Variants in DSC2 observed in about 807,000 individuals in gnomAD.
DSC2 encodes desmocollin-2.
Under a neutral mutation model 87.6 loss-of-function variants are expected in DSC2, and 51 were observed. The ratio of observed to expected loss-of-function variants is 0.58; its 90% CI spans 0.46 to 0.74. The LOEUF (loss-of-function observed/expected upper bound fraction) is 0.74, where lower values mean the gene tolerates loss of function less well. Ranked by LOEUF, DSC2 falls within the 30% of genes least tolerant of loss-of-function variation. DSC2 has a pLI of 0.00. For missense variants in DSC2, 1,066 were observed against 1,089.5 expected (o/e 0.98, Z 0.30); for synonymous variants, 383 against 393.2 (o/e 0.97, Z 0.31).
chr18:31,092,919 A>G (rs1987648880), intron 2 of DSC2, among the ~76,000 whole-genome samples: 1 of 152,224 alleles, frequency 6.6e-6, no homozygotes, highest in Admixed American at 6.5e-5. Flanking sequence ...TTTTCTCTAA[A>G]GTAAATGTTA....
At position 31,101,587 on chromosome 18, in the gene DSC2, C is replaced by T. The variant is rs576260745; in HGVS notation, c.69+316G>A. ...CGACCCCGGCGCACTCCCGCCCCGG[C>T]GCACCCTGCTCCCCGGCGCGTACCC... On this transcript the variant is annotated intron_variant, in intron 1 of 15. Transcript: ENST00000280904. 36 of 343,380 alleles carry T rather than the reference C, an allele frequency of 1.0e-4. 2 individuals are homozygous for T. The South Asian group carries it at 1.9e-3, about 18-fold the overall frequency. 21.3% of individuals were successfully genotyped at this position (343,380 alleles called of 1,614,324 possible).
chr18:31,079,798 A>T, intron 11 of DSC2, 49 bp downstream of exon 11: 1 of 1,610,084 alleles, frequency 6.2e-7, no homozygotes, highest in Non-Finnish European at 8.5e-7. Context: ...AACACTGAAG[A>T]TGTATGTAGC....
Position 31,068,329 on chromosome 18 carries a change from G to A in DSC2, c.2509-117C>T. On this transcript the variant is annotated intron_variant, in intron 15 of 15. Transcript: ENST00000280904. Reference sequence around the variant, plus strand: ...ATTGTTTAATTTTTAATCAGAGTGTGTCCTCTAATGGATTCCTATACATAA... The same window carrying A: ...ATTGTTTAATTTTTAATCAGAGTGTATCCTCTAATGGATTCCTATACATAA... 1.2e-6 allele frequency: 2 copies of A among 1,613,032 alleles called. 1 individual carries two copies. The highest frequency in any genetic ancestry group is 2.2e-5 in the South Asian group (2 of 91,068).
chr18:31,073,586 A>G (rs1443806984), intron 12 of DSC2, among the ~76,000 whole-genome samples: 2 of 152,136 alleles, frequency 1.3e-5, no homozygotes, highest in African/African-American at 2.4e-5. Context: ...AAATTGAGGG[A>G]TATTCACTGA....
chr18:31,087,344 C>T (rs1182114248), intron 6 of DSC2, among the ~76,000 whole-genome samples: 2 of 152,174 alleles, frequency 1.3e-5, no homozygotes, highest in African/African-American at 4.8e-5. Flanking sequence ...CTCTTACATC[C>T]ATCCATCCAT....
chr18:31,084,650 G>A (rs1331642516), intron 7 of DSC2, among the ~76,000 whole-genome samples: 2 of 150,650 alleles, frequency 1.3e-5, no homozygotes, highest in Non-Finnish European at 3.0e-5. Context: ...AGCTGAACAA[G>A]CTGTTGAGTT....
intron 11 of DSC2, 136 bp from the exon 12 acceptor site, chr18:31,075,043 T>C (rs2144800919): frequency 2.2e-6 from 2 of 907,544 alleles, no homozygotes; most frequent in Non-Finnish European, 3.5e-6. Context: ...ACAAGCTATG[T>C]CCTCAGGGAA....
At chr18:31,087,383 C>T (rs946526429) in intron 6 of DSC2, among the ~76,000 whole-genome samples, 3 of 152,146 alleles carry the variant, frequency 2.0e-5, no homozygotes, top group African/African-American at 7.2e-5. Flanking sequence ...TTATTAACTC[C>T]TATTTGTCAG....
intron 7 of DSC2, among the ~76,000 whole-genome samples, chr18:31,084,997 G>A (rs1987349984): frequency 6.6e-6 from 1 of 151,990 alleles, no homozygotes; most frequent in African/African-American, 2.4e-5. Context: ...CTGGTAAAAT[G>A]GTCACTCAAA....
chr18:31,063,558 C>T lies in DSC2; in HGVS notation c.*4457G>A, dbSNP rs1021253925. 6.6e-6 allele frequency: 1 copy of T among 151,812 alleles called. No individual in the cohort carries two copies. The highest frequency in any genetic ancestry group is 2.4e-5 in the African/African-American group (1 of 41,312). The allele number at this position is 151,812 out of a possible 1,614,324, so 9.4% of individuals were successfully genotyped here. On this transcript the variant is annotated 3_prime_UTR_variant, in exon 16 of 16. Coordinates refer to ENST00000280904, the MANE Select transcript of DSC2 (RefSeq NM_024422.6). ...CAAAGAAAGAGACAATGAGTAAAGA[C>T]ATTGTAAAAAGAGAACTAATCATGA... is the stretch of plus-strand genomic sequence containing the variant.
rs923697621 is a variant in DSC2 at position 31,087,775 on chromosome 18, T to C, written c.669A>G (p.Pro223=). Residue 223 remains proline (P), a synonymous_variant, in exon 6 of 16, where the codon CCA becomes CCG. Transcript: ENST00000280904. ...TGATTATTAGGGGCAGTGGAAGTTC[T>C]GGAGTATACCCATCTGGAGTTGTTG... is the stretch of plus-strand genomic sequence containing the variant. ...AFATTPDGYT[P]ELPLPLIIKI... is the part of the protein sequence containing the mutation. The C allele has an allele frequency of 1.8e-5, 29 of 1,613,808 alleles. No homozygotes were observed. Among genetic ancestry groups the C allele is most frequent in the African/African-American group, 6.7e-5 (5 of 74,928 alleles).
intron 12 of DSC2, 142 bp downstream of exon 12, chr18:31,074,541 C>T: frequency 1.3e-6 from 1 of 768,050 alleles, no homozygotes; most frequent in Admixed American, 2.2e-5. Flanking sequence ...ACTAGAGAGA[C>T]CTACTCCCAA....
intron 1 of DSC2, among the ~76,000 whole-genome samples, chr18:31,095,333 T>G (rs778673220): frequency 6.6e-6 from 1 of 152,084 alleles, no homozygotes; most frequent in African/African-American, 2.4e-5. Flanking sequence ...TGGCAAATGA[T>G]GTAGGGTCTA....
intron 1 of DSC2, among the ~76,000 whole-genome samples, chr18:31,098,718 G>A (rs1987842208): frequency 1.3e-5 from 2 of 152,120 alleles, no homozygotes; most frequent in Admixed American, 6.5e-5. Context: ...GGCTCCCAAA[G>A]TGCTGGGATT....
chr18:31,080,942 A>C (rs573380389), intron 9 of DSC2, among the ~76,000 whole-genome samples: 26 of 152,308 alleles, frequency 1.7e-4, no homozygotes, highest in African/African-American at 6.0e-4. Context: ...GCTGGAAAAA[A>C]AAAAGGACAG....
chr18:31,090,929 T>A, intron 4 of DSC2, 99 bp downstream of exon 4: 1 of 1,520,996 alleles, frequency 6.6e-7, no homozygotes, highest in East Asian at 2.3e-5. Context: ...TTCACTCACA[T>A]ATTTATACAC....
chr18:31,090,553 C>A (rs1010120253), intron 4 of DSC2, among the ~76,000 whole-genome samples: 2 of 150,626 alleles, frequency 1.3e-5, no homozygotes, highest in East Asian at 1.9e-4. Flanking sequence ...GAGATCTCAT[C>A]GCTACAAAAA....
intron 7 of DSC2, 98 bp from the exon 8 acceptor site, chr18:31,083,158 A>G (rs1987286679): frequency 7.5e-7 from 1 of 1,338,700 alleles, no homozygotes. Flanking sequence ...CTAAGAATTT[A>G]AGAAGTGCAT....
chr18:31,074,420 AATGTGTGTGTGTGTGTGTGTGTGTGT>A (rs1567974268), intron 12 of DSC2, among the ~76,000 whole-genome samples: 6 of 108,554 alleles, frequency 5.5e-5, no homozygotes, highest in Non-Finnish European at 1.1e-4. Flanking sequence ...AAAGAGAAAA[AATGTGTGTGTGTGTGTGTGTGTGTGT>A]GTGTGTGTGT....
Sources: gnomAD v4.1 joint callset for allele counts (sites outside exome capture counted in the v4.1 genomes callset) on GRCh38, gnomAD v4.1.1 for gene constraint, MANE v1.5 for transcripts, NCBI Gene and HGNC (gene_info 2026-07-23, HGNC 2026-07-21) for gene names.